The following ANKH variants were observed in gnomAD, a reference collection of about 807,000 sequenced individuals.
ANKH encodes the protein ANKH inorganic pyrophosphate transport regulator, also known as mineralization regulator ANKH.
A neutral mutation model predicts 49.0 loss-of-function variants in ANKH; 15 were observed. That is an observed-to-expected ratio of 0.31 (90% CI 0.20 to 0.47). The LOEUF is 0.47. ANKH is among the 20% of genes least tolerant of loss of function. The pLI is 1.00. For synonymous variants in ANKH, 273 were observed against 260.0 expected (o/e 1.05, Z -0.48); for missense variants, 429 against 652.0 (o/e 0.66, Z 3.72).
intron 1 of ANKH, among the ~76,000 whole-genome samples, chr5:14,803,357 A>G (rs1188959774): frequency 3.3e-5 from 5 of 152,002 alleles, no homozygotes; most frequent in African/African-American, 4.8e-5. Context: ...TCAGCTCACC[A>G]CAACCTCCAC....
At position 14,711,198 on chromosome 5, in the gene ANKH, T is replaced by TATTC; in HGVS notation, c.1474_1477dup (p.Ter493=). The TATTC allele has an allele frequency of 4.3e-6, 7 of 1,613,600 alleles. No individual in the cohort carries two copies. Among genetic ancestry groups the TATTC allele is most frequent in the Non-Finnish European group, 5.9e-6 (7 of 1,179,534 alleles). On this transcript the variant is annotated frameshift_variant and stop_retained_variant, in exon 12 of 12. Coordinates refer to ENST00000284268, the MANE Select transcript of ANKH (RefSeq NM_054027.6). LOFTEE classifies it high-confidence loss of function. ...GCAGTGCCCATGGCGTCCCGTGCCT[T>TATTC]ATTCATTCTCCTCTCTCATTTCCAC...
intron 1 of ANKH, among the ~76,000 whole-genome samples, chr5:14,846,937 G>A (rs1384968588): frequency 2.0e-5 from 3 of 150,176 alleles, no homozygotes; most frequent in African/African-American, 7.4e-5. Flanking sequence ...GAACTCAGGA[G>A]ACGGATGTTG....
chr5:14,739,373 T>C (rs575051325), intron 8 of ANKH, among the ~76,000 whole-genome samples: 14 of 152,224 alleles, frequency 9.2e-5, no homozygotes, highest in African/African-American at 3.1e-4. Context: ...GCCGAGATCA[T>C]GCGCCTGCAC....
intron 6 of ANKH, among the ~76,000 whole-genome samples, chr5:14,746,258 G>A (rs1738537074): frequency 6.6e-6 from 1 of 151,970 alleles, no homozygotes; most frequent in African/African-American, 2.4e-5. Flanking sequence ...ATGAGAAACA[G>A]GTGCAGACCA....
intron 1 of ANKH, among the ~76,000 whole-genome samples, chr5:14,866,383 A>G (rs1479110715): frequency 6.6e-6 from 1 of 152,126 alleles, no homozygotes; most frequent in Non-Finnish European, 1.5e-5. Context: ...AACAATTTCA[A>G]CTTTCTTTTC....
At chr5:14,711,351 G>A in intron 11 of ANKH, 41 bp from the exon 12 acceptor site, 1 of 1,547,522 alleles carries the variant, frequency 6.5e-7, no homozygotes, top group South Asian at 1.1e-5. Flanking sequence ...CTGTGGATGG[G>A]GACACTGCAC....
chr5:14,812,786 AT>A (rs1740924354), intron 1 of ANKH, among the ~76,000 whole-genome samples: 1 of 152,164 alleles, frequency 6.6e-6, no homozygotes, highest in African/African-American at 2.4e-5. Context: ...TGTCAGAATA[AT>A]TTTTTTCTTT....
intron 1 of ANKH, chr5:14,797,591 G>A (rs1245822423): frequency 1.1e-5 from 17 of 1,609,482 alleles, no homozygotes; most frequent in Middle Eastern, 2.2e-4. Context: ...CAGTGTGAGT[G>A]TCAACTGAGT....
At chr5:14,831,071 G>C (rs954360423) in intron 1 of ANKH, among the ~76,000 whole-genome samples, 1 of 152,192 alleles carries the variant, frequency 6.6e-6, no homozygotes, top group Non-Finnish European at 1.5e-5. Flanking sequence ...CTCTGGAGTT[G>C]ATCAGAATGA....
chr5:14,802,574 T>C (rs258228), intron 1 of ANKH, among the ~76,000 whole-genome samples: 95,456 of 151,604 alleles, frequency 0.63, 30,471 homozygotes, highest in East Asian at 0.84. Flanking sequence ...TGGCCAAATC[T>C]CTGTCTCCTT....
intron 7 of ANKH, among the ~76,000 whole-genome samples, chr5:14,742,637 G>A (rs538318315): frequency 1.3e-5 from 2 of 152,366 alleles, no homozygotes; most frequent in East Asian, 3.9e-4. Context: ...TCTGAGGGCA[G>A]GCATCATGTC....
intron 8 of ANKH, among the ~76,000 whole-genome samples, chr5:14,729,486 CAA>C (rs56836903): frequency 0.071 from 8,651 of 122,158 alleles, 272 homozygotes; most frequent in Non-Finnish European, 0.088. Context: ...CGCGCCTGAC[CAA>C]AAAAAAAAAA....
chr5:14,716,382 A>G (rs565630674), intron 9 of ANKH, among the ~76,000 whole-genome samples: 1 of 152,296 alleles, frequency 6.6e-6, no homozygotes, highest in Admixed American at 6.5e-5. Flanking sequence ...AGTCCCAGCT[A>G]CTTGGGAGGC....
chr5:14,830,415 A>T (rs889328281), intron 1 of ANKH, among the ~76,000 whole-genome samples: 1 of 152,092 alleles, frequency 6.6e-6, no homozygotes, highest in Non-Finnish European at 1.5e-5. Flanking sequence ...GGAAGAGTCC[A>T]AACCAAACAC....
intron 1 of ANKH, among the ~76,000 whole-genome samples, chr5:14,830,259 G>A (rs956547876): frequency 6.6e-6 from 1 of 152,148 alleles, no homozygotes; most frequent in Non-Finnish European, 1.5e-5. Flanking sequence ...GGGCTCACTG[G>A]GCAGCCATAT....
chr5:14,819,898 TATACAC>T (rs1355772414), intron 1 of ANKH, among the ~76,000 whole-genome samples: 7 of 87,134 alleles, frequency 8.0e-5, no homozygotes, highest in East Asian at 2.6e-4. Flanking sequence ...ACAACAAAAA[TATACAC>T]ACACACACAC....
chr5:14,751,639 C>T (rs570943942), intron 4 of ANKH, among the ~76,000 whole-genome samples: 7 of 152,098 alleles, frequency 4.6e-5, no homozygotes, highest in African/African-American at 1.4e-4. Context: ...TGCACCAAAC[C>T]GAGAGATTTT....
intron 2 of ANKH, among the ~76,000 whole-genome samples, chr5:14,763,595 A>C (rs973506953): frequency 6.6e-6 from 1 of 152,252 alleles, no homozygotes; most frequent in African/African-American, 2.4e-5. Flanking sequence ...GCACAATGTA[A>C]GTCAAGTAAT....
chr5:14,827,807 T>C (rs1460866189), intron 1 of ANKH, among the ~76,000 whole-genome samples: 2 of 152,202 alleles, frequency 1.3e-5, no homozygotes, highest in East Asian at 3.8e-4. Flanking sequence ...ATCTGATACA[T>C]TGTATCAATG....
Sources: gnomAD v4.1 joint callset for allele counts (sites outside exome capture counted in the v4.1 genomes callset) on GRCh38, gnomAD v4.1.1 for gene constraint, MANE v1.5 for transcripts, NCBI Gene and HGNC (gene_info 2026-07-23, HGNC 2026-07-21) for gene names.